PDS5B: variants seen among roughly 807,000 people sequenced by gnomAD.
The protein encoded by PDS5B is sister chromatid cohesion protein PDS5 homolog B.
In PDS5B, 51 loss-of-function variants were observed where a neutral mutation model predicts 184.1. The observed-to-expected ratio is 0.28, with a 90% CI of 0.22 to 0.35. The LOEUF (loss-of-function observed/expected upper bound fraction) is 0.35. Ranked by LOEUF, PDS5B falls within the 10% of genes least tolerant of loss-of-function variation. The probability of loss-of-function intolerance (pLI) is 1.00; values close to 1 mark genes in which losing one functional copy is unlikely to be tolerated. For synonymous variants in PDS5B, 566 were observed against 569.2 expected (o/e 0.99, Z 0.08); for missense variants, 1,180 against 1,723.3 (o/e 0.68, Z 5.58).
intron 10 of PDS5B, 125 bp from the exon 11 acceptor site, chr13:32,683,753 T>C (rs747989239): frequency 2.4e-4 from 141 of 588,004 alleles, no homozygotes; most frequent in Non-Finnish European, 3.6e-4. Flanking sequence ...TTCTGGGCTC[T>C]TAATTTTCTT....
chr13:32,665,249 T>C (rs1441696649), intron 6 of PDS5B, among the ~76,000 whole-genome samples: 1 of 152,098 alleles, frequency 6.6e-6, no homozygotes, highest in Non-Finnish European at 1.5e-5. Flanking sequence ...ACAGGTGCAA[T>C]AAAGGTCTAA....
At chr13:32,650,320 C>CT (rs1245898513) in intron 2 of PDS5B, 2 of 152,164 alleles carry the variant, frequency 1.3e-5, no homozygotes, top group Non-Finnish European at 2.9e-5. Context: ...TCCAGTTATA[C>CT]TTTTTTCTCA....
intron 26 of PDS5B, 33 bp from the exon 27 acceptor site, chr13:32,758,054 C>A: frequency 3.3e-6 from 3 of 910,802 alleles, no homozygotes; most frequent in South Asian, 2.8e-5. Flanking sequence ...TGATTTTCTT[C>A]TATATTTCTT....
At chr13:32,714,846 C>T (rs552892454) in intron 19 of PDS5B, among the ~76,000 whole-genome samples, 6 of 152,024 alleles carry the variant, frequency 3.9e-5, no homozygotes, top group South Asian at 2.1e-4. Flanking sequence ...GGTCCTGAGG[C>T]GATATACATC....
intron 27 of PDS5B, 38 bp from the exon 28 acceptor site, chr13:32,758,496 G>A: frequency 6.3e-7 from 1 of 1,587,976 alleles, no homozygotes; most frequent in Non-Finnish European, 8.6e-7. Context: ...TAGATTGCCA[G>A]CTTAAGTATC....
At chr13:32,753,589 T>G in intron 25 of PDS5B, 53 bp downstream of exon 25, 1 of 1,229,402 alleles carries the variant, frequency 8.1e-7, no homozygotes, top group Non-Finnish European at 1.2e-6. Context: ...TAGTTTCAGT[T>G]TTATAGAATA....
chr13:32,733,946 A>G (rs770201241), intron 20 of PDS5B, among the ~76,000 whole-genome samples: 5 of 149,500 alleles, frequency 3.3e-5, no homozygotes, highest in Non-Finnish European at 5.9e-5. Context: ...CCTTATGCCA[A>G]TGGCATATTT....
intron 1 of PDS5B, among the ~76,000 whole-genome samples, chr13:32,647,669 T>TA (rs1205286615): frequency 7.2e-5 from 11 of 152,016 alleles, no homozygotes; most frequent in Non-Finnish European, 1.0e-4. Flanking sequence ...AAGTTCTATT[T>TA]AAAAAAAATC....
chr13:32,752,836 C>G (rs1566411033), intron 24 of PDS5B, among the ~76,000 whole-genome samples: 1 of 152,068 alleles, frequency 6.6e-6, no homozygotes, highest in Non-Finnish European at 1.5e-5. Context: ...CTTTTTATTT[C>G]TTTATTAAGA....
chr13:32,652,143 A>AT (rs1950380353), intron 3 of PDS5B, 136 bp downstream of exon 3: 154 of 556,272 alleles, frequency 2.8e-4, no homozygotes, highest in African/African-American at 7.3e-4. Context: ...GCTAAACTTA[A>AT]TGTTTTTTTT....
intron 9 of PDS5B, among the ~76,000 whole-genome samples, chr13:32,676,227 C>A (rs531115360): frequency 3.3e-5 from 5 of 152,176 alleles, no homozygotes; most frequent in African/African-American, 1.2e-4. Context: ...TACTTTAAGG[C>A]AGTGATTAAT....
intron 1 of PDS5B, among the ~76,000 whole-genome samples, chr13:32,647,294 T>C (rs955766435): frequency 1.3e-5 from 2 of 152,134 alleles, no homozygotes; most frequent in African/African-American, 4.8e-5. Flanking sequence ...TTCTTTCACT[T>C]CATTCTTTCT....
chr13:32,658,191 C>G, intron 3 of PDS5B, 48 bp from the exon 4 acceptor site: 1 of 848,866 alleles, frequency 1.2e-6, no homozygotes, highest in South Asian at 1.5e-5. Flanking sequence ...TGGTTATTTT[C>G]ATTTAGCGTT....
At chr13:32,676,592 T>C (rs1436757981) in intron 9 of PDS5B, among the ~76,000 whole-genome samples, 1 of 152,038 alleles carries the variant, frequency 6.6e-6, no homozygotes, top group Non-Finnish European at 1.5e-5. Context: ...AGAGAATTTT[T>C]CCCCTCAAAT....
chr13:32,611,482 AT>A (rs1394307317), intron 1 of PDS5B, among the ~76,000 whole-genome samples: 1 of 135,434 alleles, frequency 7.4e-6, no homozygotes, highest in Non-Finnish European at 1.6e-5. Flanking sequence ...ACATTTGATC[AT>A]TTTATTACTT....
chr13:32,666,891 A>G (rs186816078), intron 6 of PDS5B, among the ~76,000 whole-genome samples: 1 of 152,336 alleles, frequency 6.6e-6, no homozygotes, highest in East Asian at 1.9e-4. Context: ...CCTAACTGAA[A>G]AATGGCAAAG....
Position 32,735,337 on chromosome 13 carries a change from T to C in PDS5B, c.2406+7T>C. ...TCTTCTCATGAATGATCGGGTAATT[T>C]ATATTTTTTAGATTCATGTTCTTTG... is the stretch of plus-strand genomic sequence containing the variant. On this transcript the variant is annotated splice_region_variant and intron_variant, in intron 21 of 34. Coordinates refer to ENST00000315596, the MANE Select transcript of PDS5B (RefSeq NM_015032.4). 1.9e-6 allele frequency: 3 copies of C among 1,591,142 alleles called. No homozygotes were observed. Among genetic ancestry groups the C allele is most frequent in the Non-Finnish European group, 2.6e-6 (3 of 1,166,190 alleles).
chr13:32,733,676 T>C (rs775342653), intron 20 of PDS5B, among the ~76,000 whole-genome samples: 13 of 152,184 alleles, frequency 8.5e-5, no homozygotes, highest in Non-Finnish European at 1.5e-4. Flanking sequence ...TTCATTAAAA[T>C]GTGGCATTAA....
chr13:32,696,628 C>T (rs1379410953), intron 14 of PDS5B, among the ~76,000 whole-genome samples: 1 of 151,766 alleles, frequency 6.6e-6, no homozygotes, highest in African/African-American at 2.4e-5. Context: ...TGGAGGCTAA[C>T]ACAACAGGGT....
Sources: gnomAD v4.1 joint callset for allele counts (sites outside exome capture counted in the v4.1 genomes callset) on GRCh38, gnomAD v4.1.1 for gene constraint, MANE v1.5 for transcripts, NCBI Gene and HGNC (gene_info 2026-07-23, HGNC 2026-07-21) for gene names.